The following DGKZ variants were observed in gnomAD, a reference collection of about 807,000 sequenced individuals.
DGKZ encodes DAG kinase zeta.
In DGKZ, 45 loss-of-function variants were observed where a neutral mutation model predicts 142.5. The ratio of observed to expected loss-of-function variants is 0.32; its 90% CI spans 0.25 to 0.40. The LOEUF (loss-of-function observed/expected upper bound fraction) is 0.40, where lower values mean the gene tolerates loss of function less well. Among genes scored for constraint, DGKZ ranks in the 10% least tolerant of loss-of-function variants. DGKZ has a pLI of 1.00. For missense variants in DGKZ, 755 were observed against 1,306.5 expected (o/e 0.58, Z 6.51); for synonymous variants, 442 against 527.0 (o/e 0.84, Z 2.21).
At chr11:46,364,320 T>G in intron 1 of DGKZ, 22 of 1,258,622 alleles carry the variant, frequency 1.7e-5, no homozygotes, top group Non-Finnish European at 2.1e-5. Flanking sequence ...GTTTATGAAA[T>G]GATCTAAGTG....
At chr11:46,376,101 A>G (rs1194020854) in exon 22 of DGKZ, 1 of 1,611,418 alleles carries the variant, frequency 6.2e-7, no homozygotes, top group African/African-American at 1.3e-5. Context: ...CCCAGGAGAC[A>G]GTGACCTAGA....
At chr11:46,378,944 A>G in intron 27 of DGKZ, 47 bp from the exon 28 acceptor site, 1 of 1,503,940 alleles carries the variant, frequency 6.6e-7, no homozygotes, top group Non-Finnish European at 8.8e-7. Flanking sequence ...TCAGGGAAGG[A>G]GGGGTGGCCC....
Position 46,379,045 on chromosome 11 carries a change from C to T in DGKZ, c.2473C>T (p.Arg825Cys), listed in dbSNP as rs558512772. The T allele has an allele frequency of 1.8e-5, 29 of 1,595,530 alleles. No homozygotes were observed. The highest frequency in any genetic ancestry group is 2.2e-4 in the Middle Eastern group (1 of 4,620). Residue 825 changes from arginine to cysteine, a missense_variant, in exon 28 of 31, where the codon CGC (arginine) becomes TGC (cysteine). Around this residue, in one of 8 missense-constraint regions of DGKZ, gnomAD observed 87 missense variants for 112.2 expected, o/e 0.78. Transcript: ENST00000527911. ...CCTCATGCACCGAGACGAGCAGAGT[C>T]GCACGCTCCTGCACCACGCAGTCAG...
intron 1 of DGKZ, among the ~76,000 whole-genome samples, chr11:46,360,488 CAA>C (rs35812065): frequency 7.2e-4 from 69 of 96,048 alleles, no homozygotes; most frequent in Non-Finnish European, 5.5e-4. Context: ...CTTTCCTCAT[CAA>C]AAAAAAAAAA....
chr11:46,362,977 C>T (rs896812756), intron 1 of DGKZ, among the ~76,000 whole-genome samples: 6 of 152,228 alleles, frequency 3.9e-5, no homozygotes, highest in African/African-American at 1.2e-4. Flanking sequence ...CTTTCCCATC[C>T]TGTCCCCATT....
Position 46,376,329 on chromosome 11 carries a change from A to C in DGKZ, c.2093A>C (p.Glu698Ala), listed in dbSNP as rs149254809. 22 of 1,613,802 alleles carry C rather than the reference A, an allele frequency of 1.4e-5. No individual in the cohort carries two copies. Among genetic ancestry groups the C allele is most frequent in the Non-Finnish European group, 1.9e-5 (22 of 1,179,982 alleles). Reference sequence around the variant, plus strand: ...CCTGGCCTTTGCTTCTCTCAACAGGAGCCCGATGGTGCTGGAGCCAAGTCC... The same window carrying C: ...CCTGGCCTTTGCTTCTCTCAACAGGCGCCCGATGGTGCTGGAGCCAAGTCC... The change falls in exon 23 of 31, where the codon GAG (glutamate) becomes GCG (alanine). Residue 698 changes from glutamate (E) to alanine (A), a missense_variant and splice_region_variant. Around this residue, in one of 8 missense-constraint regions of DGKZ, gnomAD observed 114 missense variants for 180.9 expected, o/e 0.63. Coordinates refer to ENST00000527911, the Ensembl canonical transcript of DGKZ.
At position 46,373,285 on chromosome 11, in the gene DGKZ, G is replaced by GTTTTTTTTTTTT. The variant is rs961769830; in HGVS notation, c.1326+192_1326+203dup. On this transcript the variant is annotated intron_variant, in intron 14 of 30. Coordinates refer to ENST00000527911, the Ensembl canonical transcript of DGKZ. Reference sequence around the variant, plus strand: ...GCTGTTTTTTCTGTGTTTTTTTTTTGTTTTTTTTTTTTTTTTTTTGAGACT... The same window carrying GTTTTTTTTTTTT: ...GCTGTTTTTTCTGTGTTTTTTTTTTGTTTTTTTTTTTTTTTTTTTTTTTTTTTTTTTGAGACT... Among the ~76,000 whole-genome samples the GTTTTTTTTTTTT allele has an allele frequency of 8.8e-4, 101 of 115,340 alleles. 1 individual carries two copies. Among genetic ancestry groups the GTTTTTTTTTTTT allele is most frequent in the African/African-American group, 1.1e-3 (33 of 28,796 alleles). 75.7% of individuals were successfully genotyped at this position (115,340 alleles called of 152,430 possible).
intron 1 of DGKZ, among the ~76,000 whole-genome samples, chr11:46,334,502 C>T (rs1939915157): frequency 6.6e-6 from 1 of 152,218 alleles, no homozygotes; most frequent in Non-Finnish European, 1.5e-5. Flanking sequence ...TTTCATAAAA[C>T]TTGCCCAGCC....
At chr11:46,345,166 G>T, upstream of DGKZ, 1 of 891,214 alleles carries the variant, frequency 1.1e-6, no homozygotes. The surrounding 1 kb of genome is among the most constrained non-coding windows in gnomAD (Gnocchi z 4.1). Flanking sequence ...CAGGAGCCCA[G>T]GTGCAGATTC....
At position 46,375,952 on chromosome 11, in the gene DGKZ, G is replaced by T; in HGVS notation, c.2011+1G>T. On this transcript the variant is annotated splice_donor_variant, in intron 21 of 30. Coordinates refer to ENST00000527911, the Ensembl canonical transcript of DGKZ. LOFTEE classifies it high-confidence loss of function. ...GACAAGGAGCAGCTCAAGGAGGCCT[G>T]TGAGTGCGGTGGGGCGGCCTGGCAG... 6.2e-7 allele frequency: 1 copy of T among 1,610,446 alleles called. No individual in the cohort carries two copies. The highest frequency in any genetic ancestry group is 8.5e-7 in the Non-Finnish European group (1 of 1,178,894).
At chr11:46,364,142 GGACCCT>G (rs1159622741) in intron 1 of DGKZ, among the ~76,000 whole-genome samples, 5 of 152,230 alleles carry the variant, frequency 3.3e-5, no homozygotes, top group African/African-American at 1.2e-4. Flanking sequence ...CCAGGAGGAA[GGACCCT>G]GCAACCCACC....
At chr11:46,351,438 C>T (rs1040895152) in intron 1 of DGKZ, among the ~76,000 whole-genome samples, 1 of 152,198 alleles carries the variant, frequency 6.6e-6, no homozygotes, top group African/African-American at 2.4e-5. Context: ...CCACACGGCC[C>T]CAGCGAGCAT....
At chr11:46,359,172 G>A (rs545074690) in intron 1 of DGKZ, among the ~76,000 whole-genome samples, 2 of 151,006 alleles carry the variant, frequency 1.3e-5, no homozygotes, top group Admixed American at 6.6e-5. Flanking sequence ...GCCAGGTGCT[G>A]TGAATCATGC....
intron 1 of DGKZ, chr11:46,361,826 C>G (rs141753501): frequency 3.2e-5 from 9 of 284,920 alleles, no homozygotes; most frequent in African/African-American, 2.1e-4. Flanking sequence ...AGGCAAGGAG[C>G]CTGCCCTGCC....
chr11:46,373,231 T>TTATTCCCATCGTACAA, intron 14 of DGKZ, 130 bp downstream of exon 14: 6 of 1,041,074 alleles, frequency 5.8e-6, no homozygotes, highest in Non-Finnish European at 8.0e-6. Flanking sequence ...CCTTGTACGA[T>TTATTCCCATCGTACAA]GGGAATAATA....
At position 46,359,450 on chromosome 11, in the gene DGKZ, A is replaced by G. The variant is rs1942392493; in HGVS notation, c.162-7841A>G. 2.0e-5 allele frequency among the ~76,000 whole-genome samples: 3 copies of G among 152,148 alleles called. No individual in the cohort carries two copies. The South Asian group carries it at 6.2e-4, about 31-fold the overall frequency. On this transcript the variant is annotated intron_variant, in intron 1 of 30. Coordinates refer to ENST00000527911, the Ensembl canonical transcript of DGKZ. Reference sequence around the variant, plus strand: ...ATAAGAGCCAGACTCCATCTCAAAAATAAAATAAAATAAAATGTGTCACCA... The same window carrying G: ...ATAAGAGCCAGACTCCATCTCAAAAGTAAAATAAAATAAAATGTGTCACCA...
At position 46,367,264 on chromosome 11, in the gene DGKZ, C is replaced by T. The variant is rs767022649; in HGVS notation, c.162-27C>T. 3.8e-6 allele frequency: 6 copies of T among 1,593,566 alleles called. No individual in the cohort carries two copies. In the East Asian group the frequency reaches 1.3e-4, roughly 36 times the overall value. ...AGTAGGGTCAGCAAGTGCTCAGCCC[C>T]CTCCTCAGCTGTCTTCTCCTCTCTA... On this transcript the variant is annotated intron_variant, in intron 1 of 30. Coordinates refer to ENST00000527911, the Ensembl canonical transcript of DGKZ. This position sits in a 1 kb window ranked among gnomAD's most constrained non-coding sequence, Gnocchi z 4.1.
chr11:46,367,359 G>T lies in DGKZ; in HGVS notation c.230G>T (p.Ser77Ile). The change falls in exon 2 of 31, where the codon AGC becomes ATC. Residue 77 changes from serine to isoleucine, a missense_variant. By Grantham distance (142) the Ser-to-Ile change is moderately radical. Around this residue, in one of 8 missense-constraint regions of DGKZ, gnomAD observed 81 missense variants for 86.5 expected, o/e 0.94. Coordinates refer to ENST00000527911, the Ensembl canonical transcript of DGKZ. The surrounding 1 kb of genome is among the most constrained non-coding windows in gnomAD (Gnocchi z 4.1). Reference sequence around the variant, plus strand: ...CCGCCCACCCCTGGGGCCCCGTGCAGCGAGTCAGAGCGGCAGATCCGGAGT... The same window carrying T: ...CCGCCCACCCCTGGGGCCCCGTGCATCGAGTCAGAGCGGCAGATCCGGAGT... 2 of 1,613,202 alleles carry T rather than the reference G, an allele frequency of 1.2e-6. No individual in the cohort carries two copies. Among genetic ancestry groups the T allele is most frequent in the Non-Finnish European group, 1.7e-6 (2 of 1,179,996 alleles).
intron 9 of DGKZ, 98 bp from the exon 10 acceptor site, chr11:46,371,977 T>A: frequency 7.7e-7 from 1 of 1,304,706 alleles, no homozygotes. Flanking sequence ...TACGTGAGGG[T>A]ACAAAGAGGG....
Sources: allele counts gnomAD v4.1 joint callset (sites outside exome capture counted in the v4.1 genomes callset), GRCh38; gene constraint gnomAD v4.1.1; regional missense constraint gnomAD v4.1.1; non-coding constraint Gnocchi (gnomAD v3.1); transcripts MANE v1.5; gene names NCBI Gene and HGNC (gene_info 2026-07-23, HGNC 2026-07-21).